The following GPR137C variants were observed in gnomAD, a reference collection of about 807,000 sequenced individuals.
GPR137C encodes the protein G protein-coupled receptor 137C, also known as integral membrane protein GPR137C.
Under a neutral mutation model 43.4 loss-of-function variants are expected in GPR137C, and 27 were observed. That is an observed-to-expected ratio of 0.62 (90% CI 0.46 to 0.86). The LOEUF is 0.86. Among genes scored for constraint, GPR137C ranks in the 40% least tolerant of loss-of-function variants. The pLI, the probability that GPR137C is intolerant of heterozygous loss-of-function variation, is 0.00. For missense variants in GPR137C, 522 were observed against 534.6 expected (o/e 0.98, Z 0.23); for synonymous variants, 285 against 226.9 (o/e 1.26, Z -2.30).
intron 3 of GPR137C, among the ~76,000 whole-genome samples, chr14:52,603,987 G>A (rs904631867): frequency 9.2e-5 from 14 of 151,996 alleles, no homozygotes; most frequent in Non-Finnish European, 1.6e-4. Context: ...AACCCATTGT[G>A]GTTTTGATTT....
At chr14:52,554,402 T>C (rs1434699046) in intron 1 of GPR137C, among the ~76,000 whole-genome samples, 1 of 152,284 alleles carries the variant, frequency 6.6e-6, no homozygotes, top group East Asian at 1.9e-4. Flanking sequence ...ACCCCCTTTC[T>C]CTTTTATGGG....
intron 1 of GPR137C, among the ~76,000 whole-genome samples, chr14:52,566,034 A>G (rs2038364504): frequency 1.3e-5 from 2 of 152,212 alleles, no homozygotes. Flanking sequence ...TAAACTCCTT[A>G]GTACCTAGTT....
intron 2 of GPR137C, among the ~76,000 whole-genome samples, chr14:52,598,760 T>G (rs1159487324): frequency 6.6e-6 from 1 of 152,206 alleles, no homozygotes; most frequent in Non-Finnish European, 1.5e-5. Context: ...CCCACTAACT[T>G]GCTGACTGTG....
At chr14:52,596,865 T>C in intron 1 of GPR137C, 1 of 452,398 alleles carries the variant, frequency 2.2e-6, no homozygotes, top group Non-Finnish European at 4.4e-6. Flanking sequence ...ATGAACCAGG[T>C]ACCTCAATTG....
At chr14:52,628,916 T>C (rs1427726774) in intron 3 of GPR137C, among the ~76,000 whole-genome samples, 1 of 152,224 alleles carries the variant, frequency 6.6e-6, no homozygotes, top group African/African-American at 2.4e-5. Flanking sequence ...TGTCAGCATA[T>C]ATAAAGATCT....
intron 3 of GPR137C, chr14:52,612,045 A>G: frequency 1.0e-6 from 1 of 985,074 alleles, no homozygotes. Flanking sequence ...TTTGTTTTTC[A>G]CTGTTATTTG....
intron 1 of GPR137C, among the ~76,000 whole-genome samples, chr14:52,562,205 C>G (rs571557385): frequency 6.6e-5 from 10 of 152,068 alleles, no homozygotes; most frequent in Non-Finnish European, 1.3e-4. Flanking sequence ...ACATGCAGCT[C>G]CATCATTTAT....
At chr14:52,579,412 C>T (rs951570639) in intron 1 of GPR137C, among the ~76,000 whole-genome samples, 3 of 152,110 alleles carry the variant, frequency 2.0e-5, no homozygotes, top group Non-Finnish European at 2.9e-5. Flanking sequence ...TTTATCTACC[C>T]GTTTTAGCCA....
intron 1 of GPR137C, among the ~76,000 whole-genome samples, chr14:52,564,926 C>T (rs994710311): frequency 1.3e-5 from 2 of 151,544 alleles, no homozygotes; most frequent in African/African-American, 4.8e-5. Flanking sequence ...TATCTACCTC[C>T]TCCCTTCAAA....
intron 3 of GPR137C, among the ~76,000 whole-genome samples, chr14:52,619,662 G>T (rs1023111717): frequency 6.6e-6 from 1 of 151,944 alleles, no homozygotes; most frequent in Non-Finnish European, 1.5e-5. Flanking sequence ...TTTACTCTAT[G>T]AGCTAGCATT....
chr14:52,553,682 G>A, intron 1 of GPR137C, 91 bp downstream of exon 1: 1 of 665,012 alleles, frequency 1.5e-6, no homozygotes, highest in Non-Finnish European at 2.5e-6. Flanking sequence ...GGCGGGGGGT[G>A]GGCAGCGAGA....
chr14:52,598,362 T>C (rs767162590), intron 2 of GPR137C, 47 bp downstream of exon 2: 6 of 782,572 alleles, frequency 7.7e-6, no homozygotes, highest in Admixed American at 5.8e-5. Context: ...ATCTAAAGCA[T>C]TAATTCATTA....
At chr14:52,596,315 G>C (rs939230585) in intron 1 of GPR137C, among the ~76,000 whole-genome samples, 2 of 152,232 alleles carry the variant, frequency 1.3e-5, no homozygotes, top group African/African-American at 4.8e-5. Flanking sequence ...CGTTCTCAGA[G>C]CTCAAACTCC....
At chr14:52,591,691 A>G (rs576189611) in intron 1 of GPR137C, among the ~76,000 whole-genome samples, 1 of 152,058 alleles carries the variant, frequency 6.6e-6, no homozygotes, top group Admixed American at 6.5e-5. Context: ...TTTCTTGTAA[A>G]TTTGTTTAAG....
At chr14:52,634,842 T>G in intron 6 of GPR137C, 96 bp from the exon 7 acceptor site, 1 of 1,060,194 alleles carries the variant, frequency 9.4e-7, no homozygotes, top group East Asian at 2.6e-5. Context: ...AGTGCTAACT[T>G]TATTACAAAA....
intron 1 of GPR137C, among the ~76,000 whole-genome samples, chr14:52,562,104 A>C (rs2038293675): frequency 6.6e-6 from 1 of 152,226 alleles, no homozygotes; most frequent in South Asian, 2.1e-4. Flanking sequence ...TAATCATCTA[A>C]TTTATGTTAG....
intron 1 of GPR137C, among the ~76,000 whole-genome samples, chr14:52,573,219 CTA>C (rs1399029506): frequency 6.6e-6 from 1 of 152,170 alleles, no homozygotes; most frequent in African/African-American, 2.4e-5. Context: ...TTAGAACAAA[CTA>C]TTTTAAATTT....
At chr14:52,597,604 A>C (rs1255680927) in intron 1 of GPR137C, among the ~76,000 whole-genome samples, 3 of 152,194 alleles carry the variant, frequency 2.0e-5, no homozygotes, top group Non-Finnish European at 4.4e-5. Context: ...AAAACTTTCA[A>C]TATCTTCCCA....
At chr14:52,571,478 G>A (rs1262712733) in intron 1 of GPR137C, among the ~76,000 whole-genome samples, 1 of 152,080 alleles carries the variant, frequency 6.6e-6, no homozygotes, top group Non-Finnish European at 1.5e-5. Context: ...TTTGAGACCA[G>A]CCTGGCCAAC....
Sources: gnomAD v4.1 joint callset for allele counts (sites outside exome capture counted in the v4.1 genomes callset) on GRCh38, gnomAD v4.1.1 for gene constraint, MANE v1.5 for transcripts, NCBI Gene and HGNC (gene_info 2026-07-23, HGNC 2026-07-21) for gene names.